Variants in USP49 observed in about 807,000 individuals in gnomAD.
USP49 encodes the protein ubiquitin carboxyl-terminal hydrolase 49.
USP49 carries 24 observed loss-of-function variants against 58.6 expected under a neutral mutation model. The observed-to-expected ratio is 0.41, with a 90% CI of 0.30 to 0.58. The LOEUF (loss-of-function observed/expected upper bound fraction) is 0.58. Ranked by LOEUF, USP49 falls within the 20% of genes least tolerant of loss-of-function variation. The pLI, the probability that USP49 is intolerant of heterozygous loss-of-function variation, is 0.30. For missense variants in USP49, 703 were observed against 866.1 expected (o/e 0.81, Z 2.36); for synonymous variants, 408 against 365.1 (o/e 1.12, Z -1.34).
chr6:41,891,249 C>T (rs1774805925), intron 2 of USP49, among the ~76,000 whole-genome samples: 1 of 152,210 alleles, frequency 6.6e-6, no homozygotes. Flanking sequence ...GCTGGAATCC[C>T]ATCCCACCAC....
At chr6:41,838,437 A>G (rs946393196) in intron 3 of USP49, among the ~76,000 whole-genome samples, 4 of 152,220 alleles carry the variant, frequency 2.6e-5, no homozygotes, top group African/African-American at 7.2e-5. Context: ...AGAGGAATCT[A>G]TCACAGGACT....
intron 2 of USP49, among the ~76,000 whole-genome samples, chr6:41,883,790 T>C (rs1275853648): frequency 1.8e-4 from 27 of 152,132 alleles, no homozygotes; most frequent in Non-Finnish European, 8.8e-5. Flanking sequence ...ATAGTACTTA[T>C]GCCGCAATGC....
chr6:41,861,708 C>CTT (rs749581690), intron 3 of USP49, among the ~76,000 whole-genome samples: 1 of 145,306 alleles, frequency 6.9e-6, no homozygotes. Context: ...TTACGTCACT[C>CTT]TTTTTTTTTT....
intron 2 of USP49, chr6:41,873,938 T>C (rs1209959469): frequency 6.6e-6 from 1 of 152,250 alleles, no homozygotes; most frequent in Non-Finnish European, 1.5e-5. Flanking sequence ...TACTGCAATA[T>C]ACTTTTAAAT....
At chr6:41,842,035 T>G (rs987617198) in intron 3 of USP49, among the ~76,000 whole-genome samples, 2 of 151,894 alleles carry the variant, frequency 1.3e-5, no homozygotes, top group African/African-American at 4.8e-5. Context: ...CCAGCCTGGG[T>G]GACAGAGCAA....
In USP49 at chr6:41,806,359, C is replaced by T; in HGVS notation, c.625G>A (p.Ala209Thr). Residue 209 changes from alanine (A) to threonine (T), a missense_variant, in exon 4 of 8, where the codon GCA (alanine) becomes ACA (threonine). Coordinates refer to ENST00000682992, the MANE Select transcript of USP49 (RefSeq NM_001286554.2). The surrounding 1 kb of genome is among the most constrained non-coding windows in gnomAD (Gnocchi z 5.9). ...CGGGGCGTGTGCAGGAGCAGCCGTG[C>T]ACTCTTGCGCGGAGGGGTGCTGGCC... is the stretch of plus-strand genomic sequence containing the variant. Reference protein sequence around the residue: ...ELASTPPRKSARLLLHTPRDA... With the variant: ...ELASTPPRKSTRLLLHTPRDA... The T allele has an allele frequency of 6.5e-7, 1 of 1,530,304 alleles. No homozygotes were observed. The allele number at this position is 1,530,304 out of a possible 1,614,324, so 94.8% of individuals were successfully genotyped here.
chr6:41,809,768 A>C (rs1160897520), intron 3 of USP49, among the ~76,000 whole-genome samples: 2 of 152,092 alleles, frequency 1.3e-5, no homozygotes, highest in Non-Finnish European at 2.9e-5. Flanking sequence ...TGGAACTTGC[A>C]GTGAGCCGAG....
intron 2 of USP49, among the ~76,000 whole-genome samples, chr6:41,884,303 G>A (rs10456112): frequency 0.1 from 15,373 of 152,148 alleles, 872 homozygotes; most frequent in Non-Finnish European, 0.12. Flanking sequence ...GATTACAGGC[G>A]TGAGCCACCG....
In USP49 at chr6:41,806,453, G is replaced by C; in HGVS notation, c.531C>G (p.Ala177=). 1 of 1,592,702 alleles carries C rather than the reference G, an allele frequency of 6.3e-7. No homozygotes were observed. The highest frequency in any genetic ancestry group is 1.3e-5 in the African/African-American group (1 of 74,822). The change falls in exon 4 of 8, where the codon GCC becomes GCG. Residue 177 remains alanine, a synonymous_variant. Coordinates refer to ENST00000682992, the MANE Select transcript of USP49 (RefSeq NM_001286554.2). The surrounding 1 kb of genome is among the most constrained non-coding windows in gnomAD (Gnocchi z 5.9). ...AKLEQRRQEE[A]LERKKEEARR... is the part of the protein sequence containing the mutation. The stretch of plus-strand genomic sequence containing the variant: ...GCGCCTCCTCCTTCTTGCGCTCCAG[G>C]GCCTCCTCCTGCCGCCGCTGCTCCA...
chr6:41,854,536 T>C (rs1582023015), intron 3 of USP49, among the ~76,000 whole-genome samples: 1 of 152,214 alleles, frequency 6.6e-6, no homozygotes, highest in African/African-American at 2.4e-5. Flanking sequence ...GTAAGATTCC[T>C]ATCTATTTTG....
At position 41,792,889 on chromosome 6, in the gene USP49, A is replaced by G. The variant is rs919241685; in HGVS notation, c.*3644T>C. The G allele has an allele frequency of 2.0e-5, 3 of 152,264 alleles. No individual in the cohort carries two copies. Among genetic ancestry groups the G allele is most frequent in the African/African-American group, 7.2e-5 (3 of 41,470 alleles). The allele number at this position is 152,264 out of a possible 1,614,324, so 9.4% of individuals were successfully genotyped here. A position where few individuals can be genotyped will look rare whatever the true frequency, so the allele number is the denominator to read the frequency against. On this transcript the variant is annotated 3_prime_UTR_variant, in exon 8 of 8. Transcript: ENST00000682992. ...TTTATGAATTGTATAAAATTAGTTC[A>G]CAAAGCTTTATCAGTAAGTAGAACA...
intron 3 of USP49, among the ~76,000 whole-genome samples, chr6:41,859,306 C>T (rs1471110763): frequency 1.3e-5 from 2 of 152,190 alleles, no homozygotes; most frequent in East Asian, 1.9e-4. Flanking sequence ...TGGGTCTTCC[C>T]ATAAGCTGCT....
intron 5 of USP49, 149 bp from the exon 6 acceptor site, chr6:41,800,087 A>G: frequency 1.5e-6 from 1 of 651,084 alleles, no homozygotes; most frequent in South Asian, 1.8e-5. Flanking sequence ...GACACTCTTT[A>G]TGACTGCATT....
intron 3 of USP49, among the ~76,000 whole-genome samples, chr6:41,850,830 T>C (rs1413849083): frequency 6.6e-6 from 1 of 152,022 alleles, no homozygotes; most frequent in Non-Finnish European, 1.5e-5. Context: ...CTCGATCTCT[T>C]GACCTCCTGA....
intron 3 of USP49, among the ~76,000 whole-genome samples, chr6:41,843,419 G>A (rs1389009965): frequency 2.6e-5 from 4 of 152,002 alleles, no homozygotes; most frequent in Non-Finnish European, 5.9e-5. Context: ...TGCGTATGTC[G>A]GAAAAAAAGG....
chr6:41,873,055 A>G (rs1245621943), intron 2 of USP49: 1 of 152,314 alleles, frequency 6.6e-6, no homozygotes, highest in Non-Finnish European at 1.5e-5. Flanking sequence ...TGCATTAGAC[A>G]GGGAAGAATT....
chr6:41,878,730 G>A (rs1774547358), intron 2 of USP49, among the ~76,000 whole-genome samples: 1 of 152,156 alleles, frequency 6.6e-6, no homozygotes, highest in African/African-American at 2.4e-5. Context: ...ATTTTAATGA[G>A]AAAACATTTA....
At chr6:41,807,355 G>T (rs1195813831) in intron 3 of USP49, among the ~76,000 whole-genome samples, 1 of 152,156 alleles carries the variant, frequency 6.6e-6, no homozygotes, top group African/African-American at 2.4e-5. Context: ...TCAAAGCAGA[G>T]ATAACATGAT....
intron 5 of USP49, among the ~76,000 whole-genome samples, chr6:41,800,213 T>TAA (rs1772974413): frequency 1.3e-5 from 2 of 152,322 alleles, no homozygotes; most frequent in African/African-American, 4.8e-5. Context: ...CACATCCCTT[T>TAA]GGCCTTCCCA....
Sources: allele counts gnomAD v4.1 joint callset (sites outside exome capture counted in the v4.1 genomes callset), GRCh38; gene constraint gnomAD v4.1.1; non-coding constraint Gnocchi (gnomAD v3.1); transcripts MANE v1.5; gene names NCBI Gene and HGNC (gene_info 2026-07-23, HGNC 2026-07-21).